The following PRKCA variants were observed in gnomAD, a reference collection of about 807,000 sequenced individuals.
PRKCA encodes protein kinase C alpha, also known as protein kinase C alpha type.
In PRKCA, 27 loss-of-function variants were observed where a neutral mutation model predicts 87.0. The observed-to-expected ratio is 0.31, with a 90% CI of 0.23 to 0.43. PRKCA has a LOEUF of 0.43. PRKCA is among the 20% of genes least tolerant of loss of function. The pLI is 1.00. For synonymous variants in PRKCA, 329 were observed against 311.1 expected (o/e 1.06, Z -0.61); for missense variants, 518 against 852.3 (o/e 0.61, Z 4.88).
At chr17:66,440,939 G>A (rs1316702569) in intron 2 of PRKCA, among the ~76,000 whole-genome samples, 1 of 151,964 alleles carries the variant, frequency 6.6e-6, no homozygotes, top group East Asian at 1.9e-4. Context: ...GAGGCGGGTG[G>A]ATTGCCTGAG....
At chr17:66,377,183 G>A (rs911878818) in intron 2 of PRKCA, among the ~76,000 whole-genome samples, 2 of 151,912 alleles carry the variant, frequency 1.3e-5, no homozygotes, top group Non-Finnish European at 2.9e-5. Context: ...GTGCCACCAC[G>A]CCCAGCTAAT....
intron 3 of PRKCA, among the ~76,000 whole-genome samples, chr17:66,606,390 C>CA (rs1234519845): frequency 2.6e-5 from 4 of 151,348 alleles, no homozygotes; most frequent in Non-Finnish European, 2.9e-5. Flanking sequence ...GACTCCGTCT[C>CA]AAAAAAAATA....
intron 2 of PRKCA, among the ~76,000 whole-genome samples, chr17:66,383,594 C>T (rs7224507): frequency 0.011 from 1,747 of 152,134 alleles, 31 homozygotes; most frequent in African/African-American, 0.04. Context: ...GTACTTACTG[C>T]GAAGAAGTTT....
intron 2 of PRKCA, among the ~76,000 whole-genome samples, chr17:66,445,013 A>G (rs1913962803): frequency 6.6e-6 from 1 of 152,144 alleles, no homozygotes; most frequent in African/African-American, 2.4e-5. Context: ...CTAAACACAT[A>G]GGTACTGGAT....
intron 2 of PRKCA, among the ~76,000 whole-genome samples, chr17:66,331,397 A>T (rs756188154): frequency 2.0e-5 from 3 of 152,102 alleles, no homozygotes; most frequent in Non-Finnish European, 4.4e-5. Context: ...GGTATTTAGT[A>T]TCTTTATACT....
At chr17:66,521,033 G>A (rs561798548) in intron 3 of PRKCA, among the ~76,000 whole-genome samples, 2 of 152,290 alleles carry the variant, frequency 1.3e-5, no homozygotes, top group African/African-American at 4.8e-5. Context: ...TTCGGGGACA[G>A]TGTGGCTTGT....
rs751308854 is a variant in PRKCA, at chr17:66,623,092, C to T, written c.289-18263C>T. ...GACAGTTTTTCTTCTCTATCTTCCACTGGTCATTTCTTTGGTAAAAGAAGT... is the reference window on the plus strand; with the variant it reads ...GACAGTTTTTCTTCTCTATCTTCCATTGGTCATTTCTTTGGTAAAAGAAGT... On this transcript the variant is annotated intron_variant, in intron 3 of 16. Coordinates refer to ENST00000413366, the MANE Select transcript of PRKCA (RefSeq NM_002737.3). Among the ~76,000 whole-genome samples, 27 of 152,382 alleles carry T rather than the reference C, an allele frequency of 1.8e-4. No homozygotes were observed. In the Middle Eastern group the frequency reaches 0.014, roughly 77 times the overall value.
intron 2 of PRKCA, among the ~76,000 whole-genome samples, chr17:66,478,758 G>A (rs777850375): frequency 2.0e-5 from 1 of 50,652 alleles, no homozygotes; most frequent in African/African-American, 1.1e-4. Context: ...AGACAGCCCC[G>A]TATCACGTTG....
At chr17:66,781,868 G>GATATATATATATATATATATATAT (rs1201713784) in intron 14 of PRKCA, among the ~76,000 whole-genome samples, 3 of 99,350 alleles carry the variant, frequency 3.0e-5, no homozygotes, top group African/African-American at 1.1e-4. Flanking sequence ...GAGAGAGAGA[G>GATATATATATATATATATATATAT]ATATATATAT....
Position 66,632,675 on chromosome 17 carries a change from T to C in PRKCA, c.289-8680T>C, listed in dbSNP as rs149089488. Among the ~76,000 whole-genome samples the C allele has an allele frequency of 2.0e-3, 302 of 152,340 alleles. 2 individuals carry two copies. Among genetic ancestry groups the C allele is most frequent in the African/African-American group, 7.0e-3 (289 of 41,580 alleles). On this transcript the variant is annotated intron_variant, in intron 3 of 16. Transcript: ENST00000413366. ...CATAAAAGTCATTATATTTTATGTC[T>C]TGTGTTGTGGCTTGCTGTTTTCATT...
At chr17:66,737,373 A>G (rs905935842) in intron 10 of PRKCA, among the ~76,000 whole-genome samples, 1 of 152,134 alleles carries the variant, frequency 6.6e-6, no homozygotes, top group Non-Finnish European at 1.5e-5. Context: ...AAAAAGAAAA[A>G]AAAGAAACAT....
intron 3 of PRKCA, among the ~76,000 whole-genome samples, chr17:66,512,599 C>T (rs915109976): frequency 6.6e-6 from 1 of 152,102 alleles, no homozygotes; most frequent in Non-Finnish European, 1.5e-5. Flanking sequence ...AGGGCTGCTG[C>T]CCTGGGCGGT....
At chr17:66,551,498 A>T (rs1026014016) in intron 3 of PRKCA, among the ~76,000 whole-genome samples, 1 of 152,276 alleles carries the variant, frequency 6.6e-6, no homozygotes, top group African/African-American at 2.4e-5. Flanking sequence ...AGCTCGCAGC[A>T]TGGTAGCTGG....
chr17:66,769,334 C>A (rs1162237556), intron 13 of PRKCA, among the ~76,000 whole-genome samples: 7 of 146,886 alleles, frequency 4.8e-5, no homozygotes, highest in Admixed American at 3.4e-4. Flanking sequence ...CCAGCCTGGG[C>A]AGCAGAGCAA....
intron 1 of PRKCA, among the ~76,000 whole-genome samples, chr17:66,304,160 G>A (rs1190132767): frequency 6.6e-6 from 1 of 152,090 alleles, no homozygotes; most frequent in African/African-American, 2.4e-5. Context: ...GGTCCCTGGG[G>A]GCTTATGGAG....
At chr17:66,399,100 C>CTTTTCTTTTCTTTTCTT (rs1555598364) in intron 2 of PRKCA, among the ~76,000 whole-genome samples, 6 of 117,292 alleles carry the variant, frequency 5.1e-5, no homozygotes, top group African/African-American at 1.6e-4. Flanking sequence ...CTTTTCTTTT[C>CTTTTCTTTTCTTTTCTT]TTTTTTTTTT....
intron 2 of PRKCA, among the ~76,000 whole-genome samples, chr17:66,484,431 A>T (rs990967806): frequency 6.6e-6 from 1 of 152,202 alleles, no homozygotes; most frequent in African/African-American, 2.4e-5. Context: ...GACTATTGAG[A>T]AAGGTGATTG....
At chr17:66,760,364 G>A (rs1311209742) in intron 13 of PRKCA, among the ~76,000 whole-genome samples, 6 of 151,916 alleles carry the variant, frequency 3.9e-5, no homozygotes, top group East Asian at 1.9e-4. Flanking sequence ...AAATGAAAAC[G>A]TAGATACGAC....
chr17:66,366,087 T>TC (rs2143506328), intron 2 of PRKCA, among the ~76,000 whole-genome samples: 1 of 152,270 alleles, frequency 6.6e-6, no homozygotes, highest in Admixed American at 6.5e-5. Flanking sequence ...ACTGGAACCA[T>TC]CCCTGCAGAT....
Sources: allele counts gnomAD v4.1 joint callset (sites outside exome capture counted in the v4.1 genomes callset), GRCh38; gene constraint gnomAD v4.1.1; transcripts MANE v1.5; gene names NCBI Gene and HGNC (gene_info 2026-07-23, HGNC 2026-07-21).